The following PCBP3 variants were observed in gnomAD, a reference collection of about 807,000 sequenced individuals.
PCBP3 encodes the protein poly(rC) binding protein 3.
PCBP3 carries 25 observed loss-of-function variants against 52.7 expected under a neutral mutation model. That is an observed-to-expected ratio of 0.47 (90% CI 0.35 to 0.66). The LOEUF is 0.66. PCBP3 is among the 30% of genes least tolerant of loss of function. The pLI, the probability that PCBP3 is intolerant of heterozygous loss-of-function variation, is 0.01. For missense variants in PCBP3, 391 were observed against 490.3 expected (o/e 0.80, Z 1.91); for synonymous variants, 162 against 183.0 (o/e 0.89, Z 0.93).
At chr21:45,776,891 G>T (rs1046859494) in intron 4 of PCBP3, among the ~76,000 whole-genome samples, 6 of 152,032 alleles carry the variant, frequency 3.9e-5, no homozygotes, top group African/African-American at 1.4e-4. Context: ...TCTGTCGTAT[G>T]GTTGTTTTCT....
intron 5 of PCBP3, among the ~76,000 whole-genome samples, chr21:45,895,410 G>A (rs992259378): frequency 6.6e-6 from 1 of 152,280 alleles, no homozygotes; most frequent in East Asian, 1.9e-4. Flanking sequence ...GCCCTTCAGG[G>A]AAGGACTCGG....
chr21:45,853,108 G>C lies in PCBP3; in HGVS notation c.10+3013G>C, dbSNP rs891942170. Among the ~76,000 whole-genome samples the C allele has an allele frequency of 7.9e-5, 12 of 152,180 alleles. No homozygotes were observed. The highest frequency in any genetic ancestry group is 2.2e-4 in the African/African-American group (9 of 41,446). ...AAGTGCACATGCCGCTGGCCAGAGG[G>C]GGTGGGCTGGCATGTCTTCTCTGGA... On this transcript the variant is annotated intron_variant, in intron 5 of 17. Transcript: ENST00000681687. The surrounding 1 kb of genome is among the most constrained non-coding windows in gnomAD (Gnocchi z 4.6).
intron 1 of PCBP3, among the ~76,000 whole-genome samples, chr21:45,645,850 T>G (rs1181538934): frequency 6.6e-6 from 1 of 152,340 alleles, no homozygotes; most frequent in East Asian, 1.9e-4. Flanking sequence ...TTGTGTATCC[T>G]CTCAGTGAAG....
At chr21:45,842,076 T>C (rs2093710472) in intron 4 of PCBP3, among the ~76,000 whole-genome samples, 1 of 152,260 alleles carries the variant, frequency 6.6e-6, no homozygotes. Flanking sequence ...ATTTGTGTTT[T>C]GCTTTGGGCA....
At chr21:45,931,750 A>T (rs1469086456) in intron 15 of PCBP3, among the ~76,000 whole-genome samples, 2 of 151,818 alleles carry the variant, frequency 1.3e-5, no homozygotes, top group African/African-American at 4.8e-5. Context: ...GAAATGAATG[A>T]ACACATCAGC....
rs538315619 is a variant in PCBP3 at position 45,730,961 on chromosome 21, GT to G, written c.-199-4424del. On this transcript the variant is annotated intron_variant, in intron 2 of 17. Transcript: ENST00000681687. Reference sequence around the variant, plus strand: ...TACAAATAGCTTATAGCGTGGTCTTGTTTTTTTATCAAGTCTTAAAAGGTAC... The same window carrying G: ...TACAAATAGCTTATAGCGTGGTCTTGTTTTTTATCAAGTCTTAAAAGGTAC... 3.9e-4 allele frequency among the ~76,000 whole-genome samples: 60 copies of G among 151,926 alleles called. 1 individual carries two copies. The East Asian group carries it at 0.011, about 27-fold the overall frequency.
chr21:45,935,170 C>A, intron 15 of PCBP3, 83 bp from the exon 16 acceptor site: 1 of 944,166 alleles, frequency 1.1e-6, no homozygotes, highest in Non-Finnish European at 1.7e-6. Context: ...TCTCACTTGA[C>A]CCAGGAGAGT....
chr21:45,838,229 C>T (rs1295184902), intron 4 of PCBP3, among the ~76,000 whole-genome samples: 1 of 152,204 alleles, frequency 6.6e-6, no homozygotes, highest in Non-Finnish European at 1.5e-5. Context: ...GCTGCCATTT[C>T]TTTACTCAAA....
Position 45,817,625 on chromosome 21 carries a change from A to G in PCBP3, c.-125-32336A>G, listed in dbSNP as rs751546223. ...CAGCAACTTGACAGTGGACGCAGCT[A>G]GAAAGCAGCCGGCGAGGAGCTCAGC... On this transcript the variant is annotated intron_variant, in intron 4 of 17. Coordinates refer to ENST00000681687, the MANE Select transcript of PCBP3 (RefSeq NM_001384156.1). The surrounding 1 kb of genome is among the most constrained non-coding windows in gnomAD (Gnocchi z 4.3). Among the ~76,000 whole-genome samples the G allele has an allele frequency of 9.9e-5, 15 of 152,206 alleles. No individual in the cohort carries two copies. The highest frequency in any genetic ancestry group is 2.1e-4 in the Non-Finnish European group (14 of 68,044).
At chr21:45,848,188 C>A (rs1316551265) in intron 4 of PCBP3, 2 of 152,218 alleles carry the variant, frequency 1.3e-5, no homozygotes, top group East Asian at 3.8e-4. Flanking sequence ...TGGGAGCAGC[C>A]TGACCATCGG....
rs2080054959 is a variant in PCBP3, at chr21:45,656,864, T to C, written c.-278-12010T>C. Among the ~76,000 whole-genome samples, 1 of 152,152 alleles carries C rather than the reference T, an allele frequency of 6.6e-6. No individual in the cohort carries two copies. Among genetic ancestry groups the C allele is most frequent in the African/African-American group, 2.4e-5 (1 of 41,430 alleles). ...TGAGACAGAGTTTTGCTCTGTCGCC[T>C]AGGCTAGAGTGCAGTGGCGCAACCT... On this transcript the variant is annotated intron_variant, in intron 1 of 17. Transcript: ENST00000681687. This position sits in a 1 kb window ranked among gnomAD's most constrained non-coding sequence, Gnocchi z 4.3.
chr21:45,751,169 C>T (rs1048947295), intron 3 of PCBP3: 2 of 152,176 alleles, frequency 1.3e-5, no homozygotes, highest in African/African-American at 2.4e-5. Context: ...CTCCCTCCCA[C>T]CTCAGGAGCT....
At chr21:45,882,873 C>T (rs1262440286) in intron 5 of PCBP3, among the ~76,000 whole-genome samples, 2 of 152,146 alleles carry the variant, frequency 1.3e-5, no homozygotes, top group African/African-American at 2.4e-5. Context: ...TCTCCTCCAC[C>T]GGCCTGCATG....
At chr21:45,645,844 G>A (rs768100082) in intron 1 of PCBP3, among the ~76,000 whole-genome samples, 58 of 152,188 alleles carry the variant, frequency 3.8e-4, no homozygotes, top group Non-Finnish European at 1.9e-4. Flanking sequence ...TGTAAGTTGT[G>A]TATCCTCTCA....
At chr21:45,867,378 G>A (rs1047824588) in intron 5 of PCBP3, among the ~76,000 whole-genome samples, 1 of 152,208 alleles carries the variant, frequency 6.6e-6, no homozygotes, top group African/African-American at 2.4e-5. Flanking sequence ...CGGATGACCC[G>A]AAAGACTTCC....
chr21:45,664,248 CACAA>C (rs2080625274), intron 1 of PCBP3, among the ~76,000 whole-genome samples: 2 of 103,524 alleles, frequency 1.9e-5, no homozygotes. Flanking sequence ...TAATATAAAT[CACAA>C]ACAACTTCTC....
chr21:45,881,739 G>A (rs1195028190), intron 5 of PCBP3, among the ~76,000 whole-genome samples: 3 of 150,892 alleles, frequency 2.0e-5, no homozygotes, highest in Non-Finnish European at 4.4e-5. Flanking sequence ...CGCAGTCCCC[G>A]ACAGCCACCT....
intron 4 of PCBP3, among the ~76,000 whole-genome samples, chr21:45,779,116 A>C (rs1364279672): frequency 1.3e-5 from 2 of 152,204 alleles, no homozygotes; most frequent in Non-Finnish European, 2.9e-5. Context: ...ATGCCTCAGT[A>C]GCTGTTGGGC....
At chr21:45,934,408 C>T (rs2149545013) in intron 15 of PCBP3, among the ~76,000 whole-genome samples, 1 of 152,306 alleles carries the variant, frequency 6.6e-6, no homozygotes, top group Middle Eastern at 3.4e-3. Context: ...AAATCATGGA[C>T]TTGAACTCTG....
Sources: gnomAD v4.1 joint callset for allele counts (sites outside exome capture counted in the v4.1 genomes callset) on GRCh38, gnomAD v4.1.1 for gene constraint, Gnocchi (gnomAD v3.1) non-coding constraint, MANE v1.5 for transcripts, NCBI Gene and HGNC (gene_info 2026-07-23, HGNC 2026-07-21) for gene names.